Variants in BARD1 observed in about 807,000 individuals in gnomAD.
The protein encoded by BARD1 is BRCA1 associated RING domain 1, also known as BRCA1-associated RING domain protein 1.
Under a neutral mutation model 77.0 loss-of-function variants are expected in BARD1, and 73 were observed. The ratio of observed to expected loss-of-function variants is 0.95; its 90% CI spans 0.79 to 1.15. The LOEUF is 1.15. Ranked by LOEUF, BARD1 falls within the 50% of genes most tolerant of loss-of-function variation. BARD1 has a pLI of 0.00. For synonymous variants in BARD1, 384 were observed against 338.0 expected, an observed-to-expected ratio of 1.14 and a Z score of -1.49; for missense variants, 993 against 938.8, an observed-to-expected ratio of 1.06 and a Z score of -0.75.
At position 214,726,380 on chromosome 2, in the gene BARD1, G is replaced by C. The variant is rs554400944; in HGVS notation, c.*2296C>G. The C allele has an allele frequency of 4.8e-6, 1 of 206,574 alleles. No homozygotes were observed. The highest frequency in any genetic ancestry group is 2.3e-5 in the African/African-American group (1 of 44,114). 12.8% of individuals were successfully genotyped at this position (206,574 alleles called of 1,614,324 possible). On this transcript the variant is annotated 3_prime_UTR_variant, in exon 11 of 11. Coordinates refer to ENST00000260947, the MANE Select transcript of BARD1 (RefSeq NM_000465.4). Reference sequence around the variant, plus strand: ...AAAAGCTACCAGCCTCTCACTTTTAGAGACACAAAGCAATCAGTGTGTAAT... The same window carrying C: ...AAAAGCTACCAGCCTCTCACTTTTACAGACACAAAGCAATCAGTGTGTAAT...
At chr2:214,739,870 A>G (rs1432934245) in intron 9 of BARD1, among the ~76,000 whole-genome samples, 1 of 152,012 alleles carries the variant, frequency 6.6e-6, no homozygotes, top group Admixed American at 6.5e-5. Flanking sequence ...ACATTACAAG[A>G]TGTGTAATTT....
intron 6 of BARD1, among the ~76,000 whole-genome samples, chr2:214,759,690 G>C (rs577220122): frequency 2.6e-4 from 39 of 152,112 alleles, no homozygotes; most frequent in African/African-American, 9.4e-4. Context: ...CTGTACATTC[G>C]AATCCTCCAT....
intron 6 of BARD1, among the ~76,000 whole-genome samples, chr2:214,766,804 T>A (rs1458174669): frequency 6.6e-6 from 1 of 152,170 alleles, no homozygotes; most frequent in East Asian, 1.9e-4. Context: ...ATTATCGTAG[T>A]GTTATTTTTT....
intron 3 of BARD1, among the ~76,000 whole-genome samples, chr2:214,783,426 G>A (rs530038195): frequency 6.6e-6 from 1 of 152,246 alleles, no homozygotes; most frequent in South Asian, 2.1e-4. Context: ...CATGGATAAT[G>A]CTGGAAGCCA....
intron 2 of BARD1, 116 bp downstream of exon 2, chr2:214,796,945 T>C (rs1695781127): frequency 4.7e-6 from 4 of 854,536 alleles, no homozygotes; most frequent in Non-Finnish European, 8.1e-6. Context: ...ATAGGTTACT[T>C]TGCAGACTTT....
At chr2:214,809,182 C>T (rs965163868) in intron 1 of BARD1, among the ~76,000 whole-genome samples, 3 of 152,314 alleles carry the variant, frequency 2.0e-5, no homozygotes, top group Admixed American at 6.5e-5. Flanking sequence ...CAAAAACTAC[C>T]GTTTCAGTTG....
chr2:214,732,986 A>C (rs1401945455), intron 9 of BARD1, among the ~76,000 whole-genome samples: 5 of 152,160 alleles, frequency 3.3e-5, no homozygotes, highest in African/African-American at 9.7e-5. Flanking sequence ...TATTTATTCT[A>C]ATCTTGTAAC....
intron 2 of BARD1, among the ~76,000 whole-genome samples, chr2:214,796,050 T>C (rs973188688): frequency 1.3e-5 from 2 of 152,176 alleles, no homozygotes; most frequent in African/African-American, 4.8e-5. Flanking sequence ...TGCTCAAATT[T>C]CCGAATGTAT....
Position 214,756,245 on chromosome 2 carries a change from T to C in BARD1, c.1569-3690A>G, listed in dbSNP as rs1299998558. ...CTGGTTGTTTAAAAGGGTGTAGCAC[T>C]AATGACCAGGAAAATGCAAATCAAA... On this transcript the variant is annotated intron_variant, in intron 6 of 10. Transcript: ENST00000260947. 2.0e-5 allele frequency among the ~76,000 whole-genome samples: 3 copies of C among 152,094 alleles called. No homozygotes were observed. The East Asian group carries it at 5.8e-4, about 29-fold the overall frequency.
chr2:214,751,111 GTGTGTGTATATATA>G (rs1452713156), intron 7 of BARD1, among the ~76,000 whole-genome samples: 1,014 of 16,438 alleles, frequency 0.062, 9 homozygotes, highest in East Asian at 0.076. Context: ...GTGTGTGTGT[GTGTGTGTATATATA>G]TATATATATA....
intron 9 of BARD1, among the ~76,000 whole-genome samples, chr2:214,731,998 T>C (rs1376182464): frequency 1.3e-4 from 20 of 152,224 alleles, no homozygotes; most frequent in Admixed American, 1.3e-3. Context: ...GTTTTGAATA[T>C]CAAACTGTTA....
chr2:214,791,184 G>A (rs894036157), intron 3 of BARD1, among the ~76,000 whole-genome samples: 1 of 152,258 alleles, frequency 6.6e-6, no homozygotes, highest in East Asian at 1.9e-4. Flanking sequence ...GAATGGAGTT[G>A]AATACAATGA....
chr2:214,743,825 G>T (rs1270986104), intron 9 of BARD1, among the ~76,000 whole-genome samples: 1 of 152,092 alleles, frequency 6.6e-6, no homozygotes, highest in Admixed American at 6.5e-5. Flanking sequence ...CGCCCAAAGT[G>T]CTAAGATTAC....
At chr2:214,759,993 C>A (rs139044170) in intron 6 of BARD1, among the ~76,000 whole-genome samples, 4 of 152,248 alleles carry the variant, frequency 2.6e-5, no homozygotes, top group Non-Finnish European at 5.9e-5. Context: ...AGATAATACT[C>A]CATTCTTTTT....
At chr2:214,752,040 G>A (rs957727192) in intron 7 of BARD1, among the ~76,000 whole-genome samples, 4 of 152,120 alleles carry the variant, frequency 2.6e-5, no homozygotes, top group Non-Finnish European at 5.9e-5. Flanking sequence ...TAAAGCAATG[G>A]CCTTGCAGAA....
chr2:214,797,156 T>C, intron 1 of BARD1, 39 bp from the exon 2 acceptor site: 1 of 1,532,662 alleles, frequency 6.5e-7, no homozygotes, highest in Non-Finnish European at 9.0e-7. Context: ...TTTGAGTCAT[T>C]GTTAGATAAA....
chr2:214,778,899 C>T (rs556403436), intron 4 of BARD1, among the ~76,000 whole-genome samples: 1 of 152,014 alleles, frequency 6.6e-6, no homozygotes, highest in African/African-American at 2.4e-5. Flanking sequence ...GCCTGATAGT[C>T]CAAAAATTTC....
intron 9 of BARD1, 47 bp downstream of exon 9, chr2:214,745,020 A>C: frequency 1.3e-6 from 2 of 1,525,420 alleles, no homozygotes; most frequent in Non-Finnish European, 1.8e-6. Context: ...CATGAAAAAC[A>C]AAACTAGTCT....
chr2:214,770,397 C>T (rs1395539475), intron 4 of BARD1, among the ~76,000 whole-genome samples: 1 of 152,102 alleles, frequency 6.6e-6, no homozygotes, highest in Non-Finnish European at 1.5e-5. Context: ...ATAACAGTAG[C>T]AACAGTAGCA....
Sources: allele counts gnomAD v4.1 joint callset (sites outside exome capture counted in the v4.1 genomes callset), GRCh38; gene constraint gnomAD v4.1.1; transcripts MANE v1.5; gene names NCBI Gene and HGNC (gene_info 2026-07-23, HGNC 2026-07-21).